The following GRID2 variants were observed in gnomAD, a reference collection of about 807,000 sequenced individuals.
The protein encoded by GRID2 is glutamate ionotropic receptor delta type subunit 2, also known as glutamate receptor ionotropic, delta-2.
Under a neutral mutation model 114.8 loss-of-function variants are expected in GRID2, and 33 were observed. The ratio of observed to expected loss-of-function variants is 0.29; its 90% CI spans 0.22 to 0.38. The LOEUF (loss-of-function observed/expected upper bound fraction) is 0.38. Among genes scored for constraint, GRID2 ranks in the 10% least tolerant of loss-of-function variants. The pLI, the probability that GRID2 is intolerant of heterozygous loss-of-function variation, is 1.00. For missense variants in GRID2, 1,184 were observed against 1,257.7 expected, an observed-to-expected ratio of 0.94 and a Z score of 0.89; for synonymous variants, 505 against 449.9, an observed-to-expected ratio of 1.12 and a Z score of -1.55.
intron 4 of GRID2, among the ~76,000 whole-genome samples, chr4:93,161,829 TAA>T (rs1474661919): frequency 2.0e-5 from 3 of 151,852 alleles, no homozygotes; most frequent in South Asian, 2.1e-4. Context: ...AAAAATATTT[TAA>T]GTTTTTACCA....
At chr4:93,608,150 A>G (rs1012661489) in intron 13 of GRID2, among the ~76,000 whole-genome samples, 1 of 150,044 alleles carries the variant, frequency 6.7e-6, no homozygotes, top group Admixed American at 6.7e-5. Context: ...ATGTGTATAC[A>G]TATATACACA....
chr4:92,853,911 A>C (rs1744000059), intron 2 of GRID2, among the ~76,000 whole-genome samples: 1 of 151,680 alleles, frequency 6.6e-6, no homozygotes, highest in African/African-American at 2.4e-5. Context: ...TTCCTGGGTG[A>C]TGATATCTGT....
chr4:93,707,790 T>C (rs2110157956), intron 14 of GRID2, among the ~76,000 whole-genome samples: 1 of 152,062 alleles, frequency 6.6e-6, no homozygotes, highest in South Asian at 2.1e-4. Flanking sequence ...AGGTTATTTA[T>C]TTGAAGTTTA....
intron 7 of GRID2, among the ~76,000 whole-genome samples, chr4:93,229,486 T>C (rs1012606926): frequency 2.6e-5 from 4 of 152,044 alleles, no homozygotes; most frequent in African/African-American, 9.7e-5. Context: ...ACTGTACAGA[T>C]GTGGGGCCAA....
At chr4:92,577,342 G>A (rs1727944421) in intron 1 of GRID2, among the ~76,000 whole-genome samples, 1 of 152,130 alleles carries the variant, frequency 6.6e-6, no homozygotes, top group Non-Finnish European at 1.5e-5. Context: ...ATAAACATTA[G>A]GATTAAGAAA....
At chr4:93,306,071 G>GT (rs1755390142) in intron 8 of GRID2, 1 of 152,108 alleles carries the variant, frequency 6.6e-6, no homozygotes, top group Admixed American at 6.6e-5. Context: ...CTTTGTTAAC[G>GT]TTACGATTTT....
chr4:93,683,916 T>G (rs1168333123), intron 14 of GRID2, among the ~76,000 whole-genome samples: 1 of 152,054 alleles, frequency 6.6e-6, no homozygotes, highest in Non-Finnish European at 1.5e-5. Flanking sequence ...AAGGACGACT[T>G]TATTCAGGAA....
intron 4 of GRID2, among the ~76,000 whole-genome samples, chr4:93,141,269 T>A (rs538720659): frequency 6.6e-6 from 1 of 152,196 alleles, no homozygotes; most frequent in Non-Finnish European, 1.5e-5. Flanking sequence ...ATTACATATG[T>A]AGTCTTTCTC....
chr4:93,736,256 T>C (rs1460739757), intron 14 of GRID2, among the ~76,000 whole-genome samples: 1 of 151,958 alleles, frequency 6.6e-6, no homozygotes, highest in Non-Finnish European at 1.5e-5. Flanking sequence ...AATAGAAATG[T>C]CCTTATATTT....
chr4:92,671,102 A>G (rs534336009), intron 2 of GRID2, among the ~76,000 whole-genome samples: 34 of 152,240 alleles, frequency 2.2e-4, no homozygotes, highest in Admixed American at 8.5e-4. Flanking sequence ...ATAGTTCCAC[A>G]GACTGTACAG....
chr4:93,220,912 C>A (rs1401691228), intron 6 of GRID2, among the ~76,000 whole-genome samples: 1 of 152,084 alleles, frequency 6.6e-6, no homozygotes, highest in Non-Finnish European at 1.5e-5. Flanking sequence ...GAAGAGAAAG[C>A]TTATGTTGTA....
intron 13 of GRID2, among the ~76,000 whole-genome samples, chr4:93,592,010 C>T (rs1195174401): frequency 3.3e-5 from 5 of 152,146 alleles, no homozygotes; most frequent in South Asian, 2.1e-4. Flanking sequence ...AAAACCAGCT[C>T]CTGGATTCAT....
intron 4 of GRID2, among the ~76,000 whole-genome samples, chr4:93,185,946 T>TC (rs1241535610): frequency 3.9e-5 from 6 of 152,136 alleles, no homozygotes; most frequent in Admixed American, 3.9e-4. Context: ...CCGCCCTGTG[T>TC]CCAAGTGTTC....
intron 13 of GRID2, among the ~76,000 whole-genome samples, chr4:93,555,141 C>T (rs1401691025): frequency 2.0e-5 from 3 of 152,180 alleles, no homozygotes; most frequent in African/African-American, 7.2e-5. Flanking sequence ...CGGGTGCCTA[C>T]ACCACCAGGG....
intron 10 of GRID2, among the ~76,000 whole-genome samples, chr4:93,427,482 C>G (rs1204828519): frequency 6.6e-6 from 1 of 151,766 alleles, no homozygotes; most frequent in Non-Finnish European, 1.5e-5. Flanking sequence ...AAGGGGCTAC[C>G]AAACTTAAAA....
At chr4:93,432,861 A>T (rs1368880170) in intron 10 of GRID2, among the ~76,000 whole-genome samples, 1 of 152,080 alleles carries the variant, frequency 6.6e-6, no homozygotes, top group African/African-American at 2.4e-5. Flanking sequence ...CAGGAGTTTG[A>T]CACCAATCTG....
At chr4:92,662,071 G>T (rs1442579477) in intron 2 of GRID2, among the ~76,000 whole-genome samples, 2 of 150,922 alleles carry the variant, frequency 1.3e-5, no homozygotes, top group Non-Finnish European at 3.0e-5. Context: ...ATTTTATTCT[G>T]CCACGTAAAT....
chr4:92,522,313 G>GA (rs879729085), intron 1 of GRID2, among the ~76,000 whole-genome samples: 7 of 151,486 alleles, frequency 4.6e-5, no homozygotes, highest in Admixed American at 1.3e-4. Context: ...AGTAAACAGG[G>GA]AAAAAAAATA....
chr4:92,997,832 T>G (rs1755294298), intron 2 of GRID2, among the ~76,000 whole-genome samples: 1 of 152,136 alleles, frequency 6.6e-6, no homozygotes, highest in South Asian at 2.1e-4. Flanking sequence ...ACCCTTCATG[T>G]TGAAAAATAT....
Sources: allele counts gnomAD v4.1 joint callset (sites outside exome capture counted in the v4.1 genomes callset), GRCh38; gene constraint gnomAD v4.1.1; transcripts MANE v1.5; gene names NCBI Gene and HGNC (gene_info 2026-07-23, HGNC 2026-07-21).